Variants in GALNT3 observed in about 807,000 individuals in gnomAD.
GALNT3 encodes polypeptide N-acetylgalactosaminyltransferase 3.
In GALNT3, 51 loss-of-function variants were observed where a neutral mutation model predicts 69.8. The observed-to-expected ratio is 0.73, with a 90% CI of 0.58 to 0.92. GALNT3 has a LOEUF of 0.92. Among genes scored for constraint, GALNT3 ranks in the 40% least tolerant of loss-of-function variants. GALNT3 has a pLI of 0.00. For missense variants in GALNT3, 711 were observed against 760.0 expected (o/e 0.94, Z 0.76); for synonymous variants, 265 against 248.5 (o/e 1.07, Z -0.63).
At chr2:165,752,034 A>G (rs985978678) in intron 9 of GALNT3, among the ~76,000 whole-genome samples, 16 of 152,128 alleles carry the variant, frequency 1.1e-4, no homozygotes, top group Admixed American at 5.9e-4. Flanking sequence ...AAACTCTTCA[A>G]TTGTTTCTGT....
Position 165,765,023 on chromosome 2 carries a change from G to T in GALNT3, c.549C>A (p.Pro183=), listed in dbSNP as rs144776270. 19 of 1,614,068 alleles carry T rather than the reference G, an allele frequency of 1.2e-5. No individual in the cohort carries two copies. The highest frequency in any genetic ancestry group is 3.3e-4 in the Middle Eastern group (2 of 6,084). ...CTATTATGACACTGGTGGTGGGCAG[G>T]GGAGGGCAGCGCTTAAATTTTTGTT... ...CIEQKFKRCP[P]LPTTSVIIVF... The change falls in exon 3 of 11, where the codon CCC becomes CCA. Residue 183 remains proline, a synonymous_variant. Coordinates refer to ENST00000392701, the MANE Select transcript of GALNT3 (RefSeq NM_004482.4).
chr2:165,754,847 A>G lies in GALNT3; in HGVS notation c.1524+85T>C, dbSNP rs187966338. 3,207 of 1,481,424 alleles carry G rather than the reference A, an allele frequency of 2.2e-3. 3 individuals are homozygous for G. The highest frequency in any genetic ancestry group is 2.8e-3 in the Non-Finnish European group (2,981 of 1,067,786). The allele number at this position is 1,481,424 out of a possible 1,614,324, so 91.8% of individuals were successfully genotyped here. Reference sequence around the variant, plus strand: ...TGTAAAATCTCAAAAGCAATAAAGAAAGTATTTCAGCAATTTTCTTAGAAC... The same window carrying G: ...TGTAAAATCTCAAAAGCAATAAAGAGAGTATTTCAGCAATTTTCTTAGAAC... On this transcript the variant is annotated intron_variant, in intron 8 of 10. Coordinates refer to ENST00000392701, the MANE Select transcript of GALNT3 (RefSeq NM_004482.4).
intron 1 of GALNT3, among the ~76,000 whole-genome samples, chr2:165,781,846 G>C (rs1247382205): frequency 2.6e-5 from 4 of 152,192 alleles, no homozygotes; most frequent in Non-Finnish European, 4.4e-5. Flanking sequence ...CCTGAGGCAA[G>C]ACTGTGAAGC....
intron 1 of GALNT3, among the ~76,000 whole-genome samples, chr2:165,778,177 C>G (rs1683014400): frequency 6.6e-6 from 1 of 152,134 alleles, no homozygotes; most frequent in African/African-American, 2.4e-5. Flanking sequence ...CATGCTCTTT[C>G]CTGCCACATC....
chr2:165,748,831 A>G lies in GALNT3; in HGVS notation c.1852T>C (p.Cys618Arg). The G allele has an allele frequency of 1.2e-6, 2 of 1,611,978 alleles. No individual in the cohort carries two copies. Among genetic ancestry groups the G allele is most frequent in the Non-Finnish European group, 1.7e-6 (2 of 1,178,634 alleles). ...TTTTGGAGTGGATCTGATGGGTTGC[A>G]TGACACTAAACTTGGATGCTCTCCA... ...ANGEHPSLVS[C>R]NPSDPLQKWI... Residue 618 changes from cysteine to arginine, a missense_variant, in exon 11 of 11, where the codon TGC (cysteine) becomes CGC (arginine). By Grantham distance (180) the Cys-to-Arg change is radical. Coordinates refer to ENST00000392701, the MANE Select transcript of GALNT3 (RefSeq NM_004482.4).
chr2:165,775,592 A>G (rs189451731), intron 1 of GALNT3, among the ~76,000 whole-genome samples: 31 of 152,330 alleles, frequency 2.0e-4, no homozygotes, highest in African/African-American at 7.2e-4. Flanking sequence ...TTAGGCTTCC[A>G]TTAATGCTGA....
At chr2:165,749,412 C>G (rs1367428340) in intron 10 of GALNT3, among the ~76,000 whole-genome samples, 2 of 151,916 alleles carry the variant, frequency 1.3e-5, no homozygotes, top group Non-Finnish European at 2.9e-5. Context: ...TTTTTCTTCT[C>G]TCTGACAGAA....
chr2:165,782,815 T>C (rs73017462), intron 1 of GALNT3, among the ~76,000 whole-genome samples: 1,535 of 152,282 alleles, frequency 0.01, 35 homozygotes, highest in African/African-American at 0.034. Context: ...GGAGTGTGAA[T>C]TGACTTAGGT....
chr2:165,758,977 A>G, intron 5 of GALNT3, 113 bp from the exon 6 acceptor site: 2 of 781,300 alleles, frequency 2.6e-6, no homozygotes, highest in Middle Eastern at 5.5e-4. Flanking sequence ...CAAAGCTTTT[A>G]TTCAGATTAA....
Position 165,747,742 on chromosome 2 carries a change from T to C in GALNT3, c.*1039A>G, listed in dbSNP as rs1400042271. On this transcript the variant is annotated 3_prime_UTR_variant, in exon 11 of 11. Transcript: ENST00000392701. Reference sequence around the variant, plus strand: ...GAAATTCAGCATACAAAATTCATTTTCCCCCACCTATTATCAATTACAGAT... The same window carrying C: ...GAAATTCAGCATACAAAATTCATTTCCCCCCACCTATTATCAATTACAGAT... 1.9e-5 allele frequency: 3 copies of C among 158,230 alleles called. No homozygotes were observed. The highest frequency in any genetic ancestry group is 6.5e-5 in the Admixed American group (1 of 15,400). 9.8% of individuals were successfully genotyped at this position (158,230 alleles called of 1,614,324 possible). A position where few individuals can be genotyped will look rare whatever the true frequency, so the allele number is the denominator to read the frequency against.
At chr2:165,765,980 T>C (rs1168290347) in intron 2 of GALNT3, among the ~76,000 whole-genome samples, 1 of 152,190 alleles carries the variant, frequency 6.6e-6, no homozygotes, top group Non-Finnish European at 1.5e-5. Flanking sequence ...CAGTCTGTGA[T>C]GTTGCCCAGG....
At position 165,770,193 on chromosome 2, in the gene GALNT3, G is replaced by A. The variant is rs773945483; in HGVS notation, c.508C>T (p.Pro170Ser). 11 of 1,614,102 alleles carry A rather than the reference G, an allele frequency of 6.8e-6. No individual in the cohort carries two copies. The highest frequency in any genetic ancestry group is 1.7e-5 in the Admixed American group (1 of 60,006). ...AAATATTCTTCAACATACTCAGGAG[G>A]TCGAGTGTCTGGTCCAAGATCTCGG... ...LHRDLGPDTRPPECIEQKFKR... is the reference protein window; with the variant it reads ...LHRDLGPDTRSPECIEQKFKR... Residue 170 changes from proline to serine, a missense_variant, in exon 2 of 11, where the codon CCT (proline) becomes TCT (serine). Transcript: ENST00000392701.
chr2:165,794,656 A>C (rs1036803733), upstream of GALNT3: 1 of 152,274 alleles, frequency 6.6e-6, no homozygotes, highest in Non-Finnish European at 1.5e-5. Context: ...CTGCTGGCTC[A>C]TGTGGTTTCT....
intron 1 of GALNT3, among the ~76,000 whole-genome samples, chr2:165,786,117 G>A (rs900066008): frequency 1.3e-5 from 2 of 152,202 alleles, no homozygotes; most frequent in African/African-American, 4.8e-5. Flanking sequence ...GGAGAGTAGA[G>A]GTGGCTGTGT....
intron 1 of GALNT3, among the ~76,000 whole-genome samples, chr2:165,792,644 G>C (rs1683376990): frequency 6.6e-6 from 1 of 152,044 alleles, no homozygotes; most frequent in African/African-American, 2.4e-5. Context: ...TGTGGAGATA[G>C]AACAAAACAA....
chr2:165,792,045 C>T (rs1361504166), intron 1 of GALNT3, among the ~76,000 whole-genome samples: 1 of 152,138 alleles, frequency 6.6e-6, no homozygotes, highest in Non-Finnish European at 1.5e-5. Context: ...TGAGTCAAGC[C>T]ACTGGAATGA....
At chr2:165,754,552 T>C in intron 9 of GALNT3, 75 bp downstream of exon 9, 1 of 1,066,382 alleles carries the variant, frequency 9.4e-7, no homozygotes, top group Non-Finnish European at 1.4e-6. Flanking sequence ...GCTGTGGGAC[T>C]TCTGAAAAAT....
intron 1 of GALNT3, among the ~76,000 whole-genome samples, chr2:165,781,377 T>G (rs1683106967): frequency 6.6e-6 from 1 of 152,054 alleles, no homozygotes; most frequent in African/African-American, 2.4e-5. Context: ...GGCGAATTGC[T>G]TGAGCCCAGG....
At chr2:165,775,046 C>T (rs1402773284) in intron 1 of GALNT3, among the ~76,000 whole-genome samples, 3 of 151,168 alleles carry the variant, frequency 2.0e-5, no homozygotes, top group Non-Finnish European at 2.9e-5. Context: ...TGAGCTACTG[C>T]GCCTAGCCTT....
Sources: gnomAD v4.1 joint callset for allele counts (sites outside exome capture counted in the v4.1 genomes callset) on GRCh38, gnomAD v4.1.1 for gene constraint, MANE v1.5 for transcripts, NCBI Gene and HGNC (gene_info 2026-07-23, HGNC 2026-07-21) for gene names.